The following ATP8B4 variants were observed in gnomAD, a reference collection of about 807,000 sequenced individuals.
ATP8B4 encodes the protein ATPase phospholipid transporting 8B4 (putative).
ATP8B4 carries 133 observed loss-of-function variants against 145.6 expected under a neutral mutation model. That is an observed-to-expected ratio of 0.91 (90% CI 0.79 to 1.05). The LOEUF (loss-of-function observed/expected upper bound fraction) is 1.05. Ranked by LOEUF, ATP8B4 falls within the 50% of genes least tolerant of loss-of-function variation. The pLI is 0.00. For missense variants in ATP8B4, 1,458 were observed against 1,425.2 expected, an observed-to-expected ratio of 1.02 and a Z score of -0.37; for synonymous variants, 507 against 492.9, an observed-to-expected ratio of 1.03 and a Z score of -0.38.
intron 14 of ATP8B4, among the ~76,000 whole-genome samples, chr15:49,955,709 C>T (rs897498735): frequency 2.6e-5 from 4 of 152,134 alleles, no homozygotes; most frequent in Non-Finnish European, 4.4e-5. Flanking sequence ...GGAGGAAATC[C>T]TGTCATGCTA....
At chr15:50,057,861 A>G (rs1043198289) in intron 3 of ATP8B4, among the ~76,000 whole-genome samples, 1 of 152,214 alleles carries the variant, frequency 6.6e-6, no homozygotes, top group African/African-American at 2.4e-5. Flanking sequence ...AACAAATTAA[A>G]TTTCCCTCTG....
At chr15:50,001,145 AT>A (rs199580347) in intron 8 of ATP8B4, among the ~76,000 whole-genome samples, 1 of 149,530 alleles carries the variant, frequency 6.7e-6, no homozygotes, top group African/African-American at 2.5e-5. Context: ...GATTTTCTTT[AT>A]TTTTTTTGTT....
chr15:49,873,503 T>C (rs2033948099), intron 25 of ATP8B4, among the ~76,000 whole-genome samples: 1 of 152,178 alleles, frequency 6.6e-6, no homozygotes, highest in South Asian at 2.1e-4. Flanking sequence ...TGACACAAAG[T>C]TAAGTGAAAA....
At chr15:50,178,096 G>C (rs1380446512) in intron 1 of ATP8B4, among the ~76,000 whole-genome samples, 1 of 152,164 alleles carries the variant, frequency 6.6e-6, no homozygotes, top group East Asian at 1.9e-4. Flanking sequence ...GCAATACCTA[G>C]AATAGGACAG....
At chr15:49,918,096 G>T (rs2039923929) in intron 19 of ATP8B4, among the ~76,000 whole-genome samples, 1 of 152,148 alleles carries the variant, frequency 6.6e-6, no homozygotes, top group South Asian at 2.1e-4. Flanking sequence ...CCAGTTAGTT[G>T]AATATTTTTC....
chr15:49,959,940 C>G (rs1186922741), intron 14 of ATP8B4, among the ~76,000 whole-genome samples: 1 of 150,722 alleles, frequency 6.6e-6, no homozygotes, highest in Non-Finnish European at 1.5e-5. Flanking sequence ...ATAAGCAAAA[C>G]AGTTAAGAGA....
At chr15:50,145,414 G>T (rs1243443268) in intron 1 of ATP8B4, among the ~76,000 whole-genome samples, 2 of 152,112 alleles carry the variant, frequency 1.3e-5, no homozygotes, top group South Asian at 4.1e-4. Context: ...TGGATTTAGA[G>T]TTAATTTTAA....
chr15:50,118,438 G>C (rs968282213), intron 1 of ATP8B4, among the ~76,000 whole-genome samples: 2 of 152,150 alleles, frequency 1.3e-5, no homozygotes, highest in African/African-American at 2.4e-5. Flanking sequence ...CTGAGTAAAA[G>C]GGGATACTTC....
intron 1 of ATP8B4, among the ~76,000 whole-genome samples, chr15:50,167,784 A>G (rs2044615765): frequency 6.6e-6 from 1 of 152,176 alleles, no homozygotes; most frequent in African/African-American, 2.4e-5. Context: ...TTCCCTTACC[A>G]AAAAATGGGA....
intron 2 of ATP8B4, among the ~76,000 whole-genome samples, chr15:50,101,547 G>A (rs2056353583): frequency 6.6e-6 from 1 of 152,020 alleles, no homozygotes; most frequent in African/African-American, 2.4e-5. Flanking sequence ...TTATCACAAT[G>A]TTAAATATAT....
chr15:49,905,269 T>C (rs1358061181), intron 20 of ATP8B4, among the ~76,000 whole-genome samples: 1 of 152,230 alleles, frequency 6.6e-6, no homozygotes, highest in African/African-American at 2.4e-5. Context: ...TATAAGCATT[T>C]TGGTCATTTC....
chr15:50,132,200 C>T (rs1042043321), intron 1 of ATP8B4, among the ~76,000 whole-genome samples: 3 of 152,182 alleles, frequency 2.0e-5, no homozygotes, highest in Middle Eastern at 6.8e-3. Flanking sequence ...TCATGACTTT[C>T]ATAATAAAAA....
chr15:49,917,199 G>A (rs2039829583), intron 19 of ATP8B4, 160 bp from the exon 20 acceptor site: 1 of 576,452 alleles, frequency 1.7e-6, no homozygotes, highest in African/African-American at 1.9e-5. Context: ...AGTGCAGAGG[G>A]AAATTCAAAG....
intron 3 of ATP8B4, among the ~76,000 whole-genome samples, chr15:50,067,454 T>C (rs1302951499): frequency 6.6e-6 from 1 of 152,158 alleles, no homozygotes; most frequent in Non-Finnish European, 1.5e-5. Flanking sequence ...TTGCTAACAG[T>C]GGTGGTACAA....
At chr15:50,016,289 G>A (rs1175854663) in intron 6 of ATP8B4, among the ~76,000 whole-genome samples, 2 of 152,110 alleles carry the variant, frequency 1.3e-5, no homozygotes, top group Non-Finnish European at 2.9e-5. Context: ...TGAATAGATG[G>A]CTATAGATTA....
At position 49,972,569 on chromosome 15, in the gene ATP8B4, C is replaced by T. The variant is rs766058318; in HGVS notation, c.1243+13G>A. The T allele has an allele frequency of 1.9e-6, 3 of 1,602,360 alleles. No homozygotes were observed. Among genetic ancestry groups the T allele is most frequent in the East Asian group, 2.2e-5 (1 of 44,764 alleles). ...TAACAATATCGTTAAGAGAAAGGAACTGTTTCTCTTACCATAGATTCTCCC... is the reference window on the plus strand; with the variant it reads ...TAACAATATCGTTAAGAGAAAGGAATTGTTTCTCTTACCATAGATTCTCCC... On this transcript the variant is annotated intron_variant, in intron 13 of 27. Coordinates refer to ENST00000284509, the MANE Select transcript of ATP8B4 (RefSeq NM_024837.4).
intron 10 of ATP8B4, among the ~76,000 whole-genome samples, chr15:49,986,656 C>G (rs1038585001): frequency 2.6e-5 from 4 of 152,224 alleles, no homozygotes; most frequent in Middle Eastern, 3.4e-3. Context: ...GTCAAGAGGC[C>G]CAAAACACAT....
At chr15:50,053,092 C>A (rs952184390) in intron 3 of ATP8B4, among the ~76,000 whole-genome samples, 1 of 152,102 alleles carries the variant, frequency 6.6e-6, no homozygotes, top group Admixed American at 6.5e-5. Context: ...ACAGAAGGAA[C>A]GACCATGAAT....
chr15:50,151,231 CAG>C (rs1286876038), intron 1 of ATP8B4, among the ~76,000 whole-genome samples: 1 of 152,158 alleles, frequency 6.6e-6, no homozygotes, highest in Non-Finnish European at 1.5e-5. Context: ...AAACAATGCA[CAG>C]AGTTACAATG....
Sources: allele counts gnomAD v4.1 joint callset (sites outside exome capture counted in the v4.1 genomes callset), GRCh38; gene constraint gnomAD v4.1.1; transcripts MANE v1.5; gene names NCBI Gene and HGNC (gene_info 2026-07-23, HGNC 2026-07-21).